The following ECHDC3 variants were observed in gnomAD, a reference collection of about 807,000 sequenced individuals.
The protein encoded by ECHDC3 is enoyl-CoA hydratase domain containing 3.
A neutral mutation model predicts 17.9 loss-of-function variants in ECHDC3; 20 were observed. That is an observed-to-expected ratio of 1.12 (90% CI 0.79 to 1.63). ECHDC3 has a LOEUF of 1.63. ECHDC3 is among the 40% of genes most tolerant of loss of function. The pLI is 0.00. For missense variants in ECHDC3, 407 were observed against 357.7 expected, an observed-to-expected ratio of 1.14 and a Z score of -1.11; for synonymous variants, 177 against 149.7, an observed-to-expected ratio of 1.18 and a Z score of -1.33.
At chr10:11,742,814 C>G in intron 1 of ECHDC3, 68 bp downstream of exon 1, 1 of 1,221,358 alleles carries the variant, frequency 8.2e-7, no homozygotes, top group Non-Finnish European at 1.0e-6. Flanking sequence ...GCCATTGACC[C>G]GGGGAGGACC....
intron 2 of ECHDC3, among the ~76,000 whole-genome samples, chr10:11,749,224 C>G (rs1832796547): frequency 6.6e-6 from 1 of 152,166 alleles, no homozygotes; most frequent in African/African-American, 2.4e-5. Context: ...TGAATCTTCT[C>G]CTTATGTAAT....
intron 3 of ECHDC3, among the ~76,000 whole-genome samples, chr10:11,750,460 C>A (rs1407108897): frequency 6.6e-6 from 1 of 152,176 alleles, no homozygotes; most frequent in Non-Finnish European, 1.5e-5. Context: ...TCTTTTCTGC[C>A]TCTTTCACCA....
chr10:11,756,579 G>A (rs1014928193), intron 4 of ECHDC3, among the ~76,000 whole-genome samples: 1 of 152,216 alleles, frequency 6.6e-6, no homozygotes, highest in African/African-American at 2.4e-5. Context: ...GCAGAAATGT[G>A]TGTTTGTGGG....
intron 1 of ECHDC3, among the ~76,000 whole-genome samples, chr10:11,744,767 G>A (rs1039019407): frequency 4.6e-5 from 7 of 152,180 alleles, no homozygotes; most frequent in African/African-American, 1.7e-4. Flanking sequence ...CTCTCATTCA[G>A]GCAATTGAGT....
intron 1 of ECHDC3, among the ~76,000 whole-genome samples, chr10:11,745,930 T>A (rs1432638091): frequency 2.0e-5 from 3 of 152,308 alleles, no homozygotes; most frequent in South Asian, 2.1e-4. Flanking sequence ...AGAGGATATG[T>A]CCAGAAGAGC....
At chr10:11,758,813 G>A (rs1362341643) in intron 4 of ECHDC3, among the ~76,000 whole-genome samples, 2 of 152,232 alleles carry the variant, frequency 1.3e-5, no homozygotes, top group Non-Finnish European at 2.9e-5. Context: ...GTGTGTGTGT[G>A]CACAAGTATC....
chr10:11,745,689 T>C (rs1832751251), intron 1 of ECHDC3, among the ~76,000 whole-genome samples: 1 of 152,258 alleles, frequency 6.6e-6, no homozygotes, highest in African/African-American at 2.4e-5. Flanking sequence ...GGAAGGAATA[T>C]CAGATTCAAA....
Position 11,747,165 on chromosome 10 carries a change from C to T in ECHDC3, c.171-184C>T, listed in dbSNP as rs749176888. ...AAACCCAGCCTGCATTTCAGGTCGC[C>T]TTTTTCTTGTTTTGACTTGGCTGTA... On this transcript the variant is annotated intron_variant, in intron 1 of 4. Coordinates refer to ENST00000379215, the MANE Select transcript of ECHDC3 (RefSeq NM_024693.5). The T allele has an allele frequency of 1.7e-5, 11 of 649,704 alleles. 1 individual carries two copies. The highest frequency in any genetic ancestry group is 7.6e-5 in the East Asian group (2 of 26,388). 40.2% of individuals were successfully genotyped at this position (649,704 alleles called of 1,614,324 possible).
intron 3 of ECHDC3, among the ~76,000 whole-genome samples, chr10:11,754,675 C>A (rs1312624307): frequency 2.6e-5 from 4 of 152,224 alleles, no homozygotes; most frequent in Non-Finnish European, 5.9e-5. Flanking sequence ...GAGCTTCACA[C>A]AAGCACAGTG....
chr10:11,749,949 C>G (rs1832806723), intron 3 of ECHDC3, among the ~76,000 whole-genome samples: 1 of 151,978 alleles, frequency 6.6e-6, no homozygotes. Flanking sequence ...GCATGCACCA[C>G]CACATCTGGC....
intron 1 of ECHDC3, 22 bp from the exon 2 acceptor site, chr10:11,747,327 G>C (rs1832772037): frequency 6.2e-7 from 1 of 1,612,368 alleles, no homozygotes; most frequent in Non-Finnish European, 8.5e-7. Context: ...GTGACCCTGT[G>C]ATTGTAAAAT....
chr10:11,755,829 T>A (rs1832881762), intron 4 of ECHDC3: 2 of 500,316 alleles, frequency 4.0e-6, no homozygotes, highest in Admixed American at 7.7e-5. Context: ...ACGCCAGGCG[T>A]CAATTTGTGA....
At chr10:11,743,139 C>T (rs2133784449) in intron 1 of ECHDC3, among the ~76,000 whole-genome samples, 1 of 152,342 alleles carries the variant, frequency 6.6e-6, no homozygotes, top group Admixed American at 6.5e-5. Flanking sequence ...TGCACAGCTT[C>T]CTGAGCGCTG....
chr10:11,746,292 C>T (rs1226595894), intron 1 of ECHDC3, among the ~76,000 whole-genome samples: 1 of 143,564 alleles, frequency 7.0e-6, no homozygotes, highest in African/African-American at 2.7e-5. Flanking sequence ...CATGCCAATG[C>T]ACTCCAGCCT....
intron 1 of ECHDC3, 68 bp downstream of exon 1, chr10:11,742,814 CG>C (rs1375260887): frequency 2.5e-6 from 3 of 1,221,352 alleles, no homozygotes; most frequent in African/African-American, 1.6e-5. Context: ...GCCATTGACC[CG>C]GGGAGGACCC....
chr10:11,758,344 A>G (rs1308061676), intron 4 of ECHDC3, among the ~76,000 whole-genome samples: 1 of 152,238 alleles, frequency 6.6e-6, no homozygotes, highest in Non-Finnish European at 1.5e-5. Context: ...ACCCTGAGCC[A>G]GTGCCTCAAG....
Position 11,763,210 on chromosome 10 carries a change from G to T in ECHDC3, c.592-14G>T, listed in dbSNP as rs1258082435. The T allele has an allele frequency of 1.3e-6, 1 of 762,078 alleles. No homozygotes were observed. The allele number at this position is 762,078 out of a possible 1,614,324, so 47.2% of individuals were successfully genotyped here. On this transcript the variant is annotated splice_polypyrimidine_tract_variant and intron_variant, in intron 4 of 4. Coordinates refer to ENST00000379215, the MANE Select transcript of ECHDC3 (RefSeq NM_024693.5). This position sits in a 1 kb window ranked among gnomAD's most constrained non-coding sequence, Gnocchi z 4.9. ...CAGGAGAGCACCTCAGTGACATCCCGTGTCTCCCCGTAGGTGGCCTTGGAG... is the reference window on the plus strand; with the variant it reads ...CAGGAGAGCACCTCAGTGACATCCCTTGTCTCCCCGTAGGTGGCCTTGGAG...
chr10:11,755,286 A>G, intron 3 of ECHDC3, 122 bp from the exon 4 acceptor site: 1 of 875,382 alleles, frequency 1.1e-6, no homozygotes, highest in Non-Finnish European at 1.7e-6. Context: ...GGATCTTGCC[A>G]CTGCACTCCA....
chr10:11,755,845 C>A, intron 4 of ECHDC3: 1 of 487,460 alleles, frequency 2.1e-6, no homozygotes, highest in Non-Finnish European at 3.6e-6. Context: ...TGTGAAATCA[C>A]TGCATTTCCA....
Sources: allele counts gnomAD v4.1 joint callset (sites outside exome capture counted in the v4.1 genomes callset), GRCh38; gene constraint gnomAD v4.1.1; non-coding constraint Gnocchi (gnomAD v3.1); transcripts MANE v1.5; gene names NCBI Gene and HGNC (gene_info 2026-07-23, HGNC 2026-07-21).